SLC44A1: variants seen among roughly 807,000 people sequenced by gnomAD.
SLC44A1 encodes solute carrier family 44 member 1.
SLC44A1 carries 26 observed loss-of-function variants against 79.3 expected under a neutral mutation model. The ratio of observed to expected loss-of-function variants is 0.33; its 90% CI spans 0.24 to 0.46. SLC44A1 has a LOEUF of 0.46. Ranked by LOEUF, SLC44A1 falls within the 20% of genes least tolerant of loss-of-function variation. The pLI, the probability that SLC44A1 is intolerant of heterozygous loss-of-function variation, is 1.00. For missense variants in SLC44A1, 688 were observed against 798.1 expected (o/e 0.86, Z 1.66); for synonymous variants, 263 against 286.2 (o/e 0.92, Z 0.82).
intron 15 of SLC44A1, among the ~76,000 whole-genome samples, chr9:105,403,135 A>G (rs972239516): frequency 6.6e-6 from 1 of 151,976 alleles, no homozygotes; most frequent in Non-Finnish European, 1.5e-5. Flanking sequence ...AGATTATTAA[A>G]CTAAAAATAT....
chr9:105,426,582 A>G (rs1017562253), intron 15 of SLC44A1, among the ~76,000 whole-genome samples: 1 of 152,148 alleles, frequency 6.6e-6, no homozygotes, highest in Admixed American at 6.6e-5. Flanking sequence ...ACATTACCTC[A>G]TTTACTCATG....
At chr9:105,359,489 A>G (rs1827719176) in intron 7 of SLC44A1, among the ~76,000 whole-genome samples, 1 of 152,192 alleles carries the variant, frequency 6.6e-6, no homozygotes, top group Non-Finnish European at 1.5e-5. Context: ...AAAACTTTAA[A>G]ACTCTAGATA....
Position 105,321,656 on chromosome 9 carries a change from CT to C in SLC44A1, c.269+11792del, listed in dbSNP as rs975432961. Among the ~76,000 whole-genome samples the C allele has an allele frequency of 4.0e-4, 61 of 152,122 alleles. 1 individual carries two copies. The highest frequency in any genetic ancestry group is 1.4e-3 in the African/African-American group (58 of 41,506). On this transcript the variant is annotated intron_variant, in intron 3 of 15. Coordinates refer to ENST00000374720, the MANE Select transcript of SLC44A1 (RefSeq NM_080546.5). ...CAAAAACGTATCTTGAAATGAGGCGCTTAAATTATAGGTTATAAAGCAGATG... is the reference window on the plus strand; with the variant it reads ...CAAAAACGTATCTTGAAATGAGGCGCTAAATTATAGGTTATAAAGCAGATG...
intron 15 of SLC44A1, among the ~76,000 whole-genome samples, chr9:105,387,054 A>T (rs1271655906): frequency 0.097 from 177 of 1,822 alleles, 4 homozygotes; most frequent in South Asian, 0.12. Context: ...AAAAAAAAAA[A>T]AAAAAAATAT....
In SLC44A1 at chr9:105,395,854, T is replaced by C. The variant is rs1828865417; in HGVS notation, c.*6798T>C. 4.1e-6 allele frequency: 4 copies of C among 983,544 alleles called. No individual in the cohort carries two copies. Among genetic ancestry groups the C allele is most frequent in the South Asian group, 9.4e-5 (2 of 21,244 alleles). 60.9% of individuals were successfully genotyped at this position (983,544 alleles called of 1,614,324 possible). A position where few individuals can be genotyped will look rare whatever the true frequency, so the allele number is the denominator to read the frequency against. On this transcript the variant is annotated 3_prime_UTR_variant, in exon 16 of 16. Transcript: ENST00000374720. ...GATCATTCTAGTTGCCACTAGAAAA[T>C]GTGAGCTCCTTCTTCATTTACCATG...
intron 15 of SLC44A1, among the ~76,000 whole-genome samples, chr9:105,423,415 G>A (rs1332069284): frequency 2.0e-5 from 3 of 152,154 alleles, no homozygotes; most frequent in Non-Finnish European, 2.9e-5. Flanking sequence ...GCAGTGAGCC[G>A]AGATTGCCCC....
intron 15 of SLC44A1, among the ~76,000 whole-genome samples, chr9:105,405,120 A>G (rs890285582): frequency 6.6e-6 from 1 of 152,008 alleles, no homozygotes; most frequent in Non-Finnish European, 1.5e-5. Flanking sequence ...AGGAGTTTGA[A>G]ACCAGCCTGG....
chr9:105,351,114 G>A (rs1227741200), intron 5 of SLC44A1, among the ~76,000 whole-genome samples: 1 of 152,192 alleles, frequency 6.6e-6, no homozygotes, highest in Non-Finnish European at 1.5e-5. Flanking sequence ...TAGCCAGAGA[G>A]AACAGCAATA....
At chr9:105,398,477 G>A (rs1009165379), downstream of SLC44A1, among the ~76,000 whole-genome samples, 3 of 152,078 alleles carry the variant, frequency 2.0e-5, no homozygotes, top group South Asian at 4.1e-4. Flanking sequence ...GCAGATTTAC[G>A]TAATTTCTAT....
At chr9:105,334,699 T>C (rs1826857138) in intron 3 of SLC44A1, among the ~76,000 whole-genome samples, 1 of 152,234 alleles carries the variant, frequency 6.6e-6, no homozygotes, top group Non-Finnish European at 1.5e-5. Context: ...TACTTTCTCT[T>C]TGAGCAAATG....
At chr9:105,381,475 G>A (rs1013932663) in intron 13 of SLC44A1, among the ~76,000 whole-genome samples, 2 of 151,776 alleles carry the variant, frequency 1.3e-5, no homozygotes, top group African/African-American at 4.8e-5. Flanking sequence ...TTGAACCCAG[G>A]AGGTGGAGGT....
At chr9:105,262,033 G>A (rs959519846) in intron 1 of SLC44A1, among the ~76,000 whole-genome samples, 4 of 152,014 alleles carry the variant, frequency 2.6e-5, no homozygotes, top group African/African-American at 7.2e-5. Flanking sequence ...ATCCGCCTGC[G>A]TTGGCTTCCC....
At chr9:105,246,124 A>G (rs747067610) in intron 1 of SLC44A1, among the ~76,000 whole-genome samples, 10 of 152,156 alleles carry the variant, frequency 6.6e-5, no homozygotes, top group Non-Finnish European at 1.3e-4. Flanking sequence ...GAAATAAAGG[A>G]TGGTTGGTTC....
chr9:105,426,256 C>T (rs1829321725), intron 15 of SLC44A1, among the ~76,000 whole-genome samples: 1 of 152,188 alleles, frequency 6.6e-6, no homozygotes, highest in African/African-American at 2.4e-5. Flanking sequence ...TGAAGCAACA[C>T]TGGAGAATGT....
At chr9:105,307,352 A>G (rs560658909) in intron 2 of SLC44A1, among the ~76,000 whole-genome samples, 1 of 152,296 alleles carries the variant, frequency 6.6e-6, no homozygotes, top group African/African-American at 2.4e-5. Flanking sequence ...TTGTTAAAAC[A>G]TGTGTTGGAG....
chr9:105,285,451 T>TA (rs1378212983), intron 1 of SLC44A1, among the ~76,000 whole-genome samples: 5 of 151,610 alleles, frequency 3.3e-5, no homozygotes, highest in East Asian at 3.9e-4. Context: ...GTTAACCATG[T>TA]AAAAAAAAAT....
At chr9:105,420,974 A>T (rs1253649287) in intron 15 of SLC44A1, among the ~76,000 whole-genome samples, 2 of 152,082 alleles carry the variant, frequency 1.3e-5, no homozygotes, top group African/African-American at 4.8e-5. Flanking sequence ...AAAGACACAG[A>T]TATATAGCAT....
At chr9:105,282,954 A>G (rs1044090349) in intron 1 of SLC44A1, among the ~76,000 whole-genome samples, 1 of 152,222 alleles carries the variant, frequency 6.6e-6, no homozygotes, top group African/African-American at 2.4e-5. Flanking sequence ...CCCATTGGTC[A>G]TACTTAGGGG....
At chr9:105,245,473 C>T (rs538871806) in intron 1 of SLC44A1, among the ~76,000 whole-genome samples, 6 of 152,358 alleles carry the variant, frequency 3.9e-5, no homozygotes, top group Admixed American at 2.0e-4. Context: ...GGTCCCGGAG[C>T]CCTTCCACGG....
Sources: gnomAD v4.1 joint callset for allele counts (sites outside exome capture counted in the v4.1 genomes callset) on GRCh38, gnomAD v4.1.1 for gene constraint, MANE v1.5 for transcripts, NCBI Gene and HGNC (gene_info 2026-07-23, HGNC 2026-07-21) for gene names.